Variants in GPC5 observed in about 807,000 individuals in gnomAD.
The protein encoded by GPC5 is glypican-5.
In GPC5, 47 loss-of-function variants were observed where a neutral mutation model predicts 53.9. That is an observed-to-expected ratio of 0.87 (90% CI 0.69 to 1.11). GPC5 has a LOEUF of 1.11. Ranked by LOEUF, GPC5 falls within the 50% of genes most tolerant of loss-of-function variation. GPC5 has a pLI of 0.00. For synonymous variants in GPC5, 286 were observed against 263.3 expected (o/e 1.09, Z -0.84); for missense variants, 748 against 713.1 (o/e 1.05, Z -0.56).
intron 7 of GPC5, among the ~76,000 whole-genome samples, chr13:92,278,316 T>C (rs1364213757): frequency 4.6e-5 from 7 of 152,120 alleles, no homozygotes; most frequent in African/African-American, 1.7e-4. Flanking sequence ...TGATAATAAA[T>C]CTATATATGC....
At chr13:91,799,874 G>T (rs1464689679) in intron 5 of GPC5, among the ~76,000 whole-genome samples, 3 of 152,036 alleles carry the variant, frequency 2.0e-5, no homozygotes, top group Non-Finnish European at 4.4e-5. Context: ...CTACCATAAA[G>T]GTTGACAACT....
At chr13:92,862,960 G>T (rs561300405) in intron 7 of GPC5, among the ~76,000 whole-genome samples, 29 of 152,212 alleles carry the variant, frequency 1.9e-4, no homozygotes, top group African/African-American at 7.0e-4. Context: ...ATGACAAAAA[G>T]AAGGTGCTGT....
At chr13:92,443,168 G>T (rs1877645947) in intron 7 of GPC5, among the ~76,000 whole-genome samples, 1 of 152,124 alleles carries the variant, frequency 6.6e-6, no homozygotes, top group Non-Finnish European at 1.5e-5. Flanking sequence ...GCAAGAGAGA[G>T]GGGAGGAAGT....
intron 2 of GPC5, among the ~76,000 whole-genome samples, chr13:91,540,963 G>A (rs1346612707): frequency 6.6e-6 from 1 of 151,936 alleles, no homozygotes; most frequent in Admixed American, 6.6e-5. Flanking sequence ...TACAGTAACT[G>A]CATTTTTGGT....
intron 6 of GPC5, among the ~76,000 whole-genome samples, chr13:91,957,870 C>A (rs559630474): frequency 6.6e-6 from 1 of 151,964 alleles, no homozygotes; most frequent in South Asian, 2.1e-4. Flanking sequence ...CCGGTTAGAG[C>A]AAACATTACG....
chr13:92,693,706 G>T (rs574473942), intron 7 of GPC5, among the ~76,000 whole-genome samples: 24 of 152,296 alleles, frequency 1.6e-4, no homozygotes, highest in African/African-American at 5.3e-4. Context: ...ATTTAAAAGG[G>T]AAGAGAGCAT....
chr13:92,556,759 T>C (rs1173346960), intron 7 of GPC5, among the ~76,000 whole-genome samples: 1 of 151,920 alleles, frequency 6.6e-6, no homozygotes, highest in Non-Finnish European at 1.5e-5. Context: ...GTACTAACCT[T>C]TTGTTGTAGA....
intron 7 of GPC5, among the ~76,000 whole-genome samples, chr13:92,485,245 G>A (rs1032997200): frequency 4.6e-5 from 7 of 152,234 alleles, no homozygotes; most frequent in African/African-American, 1.7e-4. Flanking sequence ...CTGAATATAT[G>A]AGTGATGTAA....
intron 6 of GPC5, among the ~76,000 whole-genome samples, chr13:91,977,989 A>AAAAG (rs1248497236): frequency 6.9e-5 from 8 of 116,784 alleles, no homozygotes; most frequent in African/African-American, 2.8e-4. Flanking sequence ...GAAAGAAAAG[A>AAAAG]AAAAAAAAAT....
intron 7 of GPC5, among the ~76,000 whole-genome samples, chr13:92,713,757 ATTAT>A (rs935000443): frequency 7.2e-5 from 11 of 152,230 alleles, no homozygotes; most frequent in African/African-American, 2.4e-4. Flanking sequence ...TAAGAAATGT[ATTAT>A]TTCTTATTTA....
chr13:92,528,956 A>G (rs1313948892), intron 7 of GPC5, among the ~76,000 whole-genome samples: 1 of 152,058 alleles, frequency 6.6e-6, no homozygotes, highest in Non-Finnish European at 1.5e-5. Flanking sequence ...AATGAAGTAA[A>G]TTTTAGCTAA....
chr13:91,580,295 C>T (rs1282373098), intron 2 of GPC5, among the ~76,000 whole-genome samples: 1 of 152,180 alleles, frequency 6.6e-6, no homozygotes, highest in African/African-American at 2.4e-5. Context: ...TGTGATCTGC[C>T]TGCCTTGGCC....
intron 7 of GPC5, among the ~76,000 whole-genome samples, chr13:92,514,325 A>G (rs1880689822): frequency 6.6e-6 from 1 of 152,136 alleles, no homozygotes; most frequent in Non-Finnish European, 1.5e-5. Context: ...GGTGATCCCA[A>G]TAGCAAAATT....
chr13:91,828,966 G>A (rs373197311), intron 5 of GPC5, among the ~76,000 whole-genome samples: 3 of 151,968 alleles, frequency 2.0e-5, no homozygotes, highest in African/African-American at 7.2e-5. Context: ...TTGATGAGGG[G>A]CATCATAATG....
At position 91,763,172 on chromosome 13, in the gene GPC5, G is replaced by T. The variant is rs369911041; in HGVS notation, c.1280+6752G>T. On this transcript the variant is annotated intron_variant, in intron 5 of 7. Coordinates refer to ENST00000377067, the MANE Select transcript of GPC5 (RefSeq NM_004466.6). Reference sequence around the variant, plus strand: ...GTGATAACGCTCTGATGGGTAATACGTGGGTCCAAAGTGAAGTTGATGCCT... The same window carrying T: ...GTGATAACGCTCTGATGGGTAATACTTGGGTCCAAAGTGAAGTTGATGCCT... Among the ~76,000 whole-genome samples, 4 of 152,198 alleles carry T rather than the reference G, an allele frequency of 2.6e-5. No individual in the cohort carries two copies. In the South Asian group the frequency reaches 8.3e-4, roughly 32 times the overall value.
At chr13:92,030,003 T>G (rs527783073) in intron 6 of GPC5, among the ~76,000 whole-genome samples, 2 of 152,262 alleles carry the variant, frequency 1.3e-5, no homozygotes, top group East Asian at 3.9e-4. Context: ...ATCGACCATA[T>G]CAGAGAACAG....
At chr13:92,413,213 T>C (rs1876126557) in intron 7 of GPC5, among the ~76,000 whole-genome samples, 1 of 152,178 alleles carries the variant, frequency 6.6e-6, no homozygotes, top group Non-Finnish European at 1.5e-5. Context: ...TGCTATTCCT[T>C]CTACCCTAGA....
At chr13:91,728,705 T>C (rs754932844) in intron 4 of GPC5, 40 bp downstream of exon 4, 60 of 1,584,710 alleles carry the variant, frequency 3.8e-5, no homozygotes, top group Non-Finnish European at 4.5e-5. Flanking sequence ...GAAAAGAAAG[T>C]AAGCCATTAA....
chr13:92,579,194 C>T (rs973742101), intron 7 of GPC5, among the ~76,000 whole-genome samples: 1 of 151,224 alleles, frequency 6.6e-6, no homozygotes, highest in African/African-American at 2.4e-5. Context: ...AAGGGCCGTC[C>T]TCCCTGAATT....
Sources: gnomAD v4.1 joint callset for allele counts (sites outside exome capture counted in the v4.1 genomes callset) on GRCh38, gnomAD v4.1.1 for gene constraint, MANE v1.5 for transcripts, NCBI Gene and HGNC (gene_info 2026-07-23, HGNC 2026-07-21) for gene names.